Variants in GAB4 observed in about 807,000 individuals in gnomAD.
The protein encoded by GAB4 is GRB2-associated-binding protein 4.
GAB4 carries 26 observed loss-of-function variants against 51.3 expected under a neutral mutation model. The ratio of observed to expected loss-of-function variants is 0.51; its 90% confidence interval spans 0.37 to 0.70. GAB4 has a LOEUF of 0.70. Ranked by LOEUF, GAB4 falls within the 30% of genes least tolerant of loss-of-function variation. The pLI is 0.00. For synonymous variants in GAB4, 329 were observed against 291.2 expected, an observed-to-expected ratio of 1.13 and a Z score of -1.32; for missense variants, 759 against 734.6, an observed-to-expected ratio of 1.03 and a Z score of -0.38.
chr22:16,969,622 A>T, intron 4 of GAB4: 1 of 623,630 alleles, frequency 1.6e-6, no homozygotes, highest in Non-Finnish European at 2.8e-6. Context: ...CCTTGGTGAC[A>T]TCGGCTGTTG....
intron 1 of GAB4, among the ~76,000 whole-genome samples, chr22:16,999,806 C>T (rs2060981721): frequency 6.6e-6 from 1 of 152,202 alleles, no homozygotes; most frequent in South Asian, 2.1e-4. Flanking sequence ...CTACACACTG[C>T]TTTGAATGTG....
intron 2 of GAB4, among the ~76,000 whole-genome samples, chr22:16,988,877 T>C (rs2060890842): frequency 1.3e-5 from 2 of 152,214 alleles, no homozygotes; most frequent in African/African-American, 4.8e-5. Context: ...CTTTGGCTTA[T>C]GCTGTTCCTT....
intron 6 of GAB4, 24 bp downstream of exon 6, chr22:16,966,076 G>T: frequency 3.1e-6 from 5 of 1,611,020 alleles, no homozygotes; most frequent in Non-Finnish European, 3.4e-6. Context: ...ACATTGTCAA[G>T]AAATAGAATG....
At chr22:16,990,357 G>A (rs2060903948) in intron 2 of GAB4, among the ~76,000 whole-genome samples, 1 of 152,108 alleles carries the variant, frequency 6.6e-6, no homozygotes. Flanking sequence ...TTTTGAAATG[G>A]TTTTGTTCTC....
chr22:17,000,373 T>A (rs1207875926), intron 1 of GAB4, among the ~76,000 whole-genome samples: 2 of 152,232 alleles, frequency 1.3e-5, no homozygotes, highest in African/African-American at 4.8e-5. Flanking sequence ...TCTTGTTGAA[T>A]TGATCCCTTT....
chr22:16,969,905 G>C, intron 4 of GAB4, 38 bp downstream of exon 4: 1 of 1,613,096 alleles, frequency 6.2e-7, no homozygotes, highest in South Asian at 1.1e-5. Context: ...CAAACTCCTG[G>C]AACAGGGTGC....
intron 1 of GAB4, among the ~76,000 whole-genome samples, chr22:17,000,058 C>A: frequency 6.6e-6 from 1 of 152,160 alleles, no homozygotes; most frequent in Admixed American, 6.5e-5. Context: ...GCTTTACTTC[C>A]AACGATGTGG....
chr22:16,994,367 A>G (rs775064461), intron 1 of GAB4, among the ~76,000 whole-genome samples: 7 of 152,236 alleles, frequency 4.6e-5, no homozygotes, highest in Non-Finnish European at 1.0e-4. Context: ...ATAGCCAGAC[A>G]GGATAGAGCT....
intron 5 of GAB4, chr22:16,967,400 C>G (rs1039548963): frequency 2.0e-5 from 3 of 152,612 alleles, no homozygotes; most frequent in Non-Finnish European, 2.9e-5. Context: ...GACCCATCAT[C>G]CACCTCAAGT....
At position 16,992,029 on chromosome 22, in the gene GAB4, G is replaced by A. The variant is rs1254710075; in HGVS notation, c.322C>T (p.Leu108=). Residue 108 remains leucine (L), a synonymous_variant, in exon 2 of 10, where the codon CTG becomes TTG. Coordinates refer to ENST00000400588, the MANE Select transcript of GAB4 (RefSeq NM_001037814.1). The stretch of plus-strand genomic sequence containing the variant: ...TGAATCTCCTTCTTGTTGAAGTTCA[G>A]AGTCACATCAACATCCAGCTGCTCA... ...LCEQLDVDVT[L]NFNKKEIQKG... 1 of 1,614,060 alleles carries A rather than the reference G, an allele frequency of 6.2e-7. No individual in the cohort carries two copies. The highest frequency in any genetic ancestry group is 2.2e-5 in the East Asian group (1 of 44,888).
chr22:16,972,096 C>A (rs929756140), intron 3 of GAB4, among the ~76,000 whole-genome samples: 1 of 152,216 alleles, frequency 6.6e-6, no homozygotes, highest in Non-Finnish European at 1.5e-5. Context: ...GGTGGATATG[C>A]CACCTGGATT....
intron 4 of GAB4, 102 bp from the exon 5 acceptor site, chr22:16,968,485 A>T: frequency 2.5e-6 from 2 of 802,692 alleles, no homozygotes; most frequent in Non-Finnish European, 2.2e-6. Flanking sequence ...GATGCTCTAG[A>T]GGACACGACT....
At chr22:17,005,720 A>G (rs1241227209) in intron 1 of GAB4, among the ~76,000 whole-genome samples, 2 of 152,252 alleles carry the variant, frequency 1.3e-5, no homozygotes, top group Non-Finnish European at 2.9e-5. Flanking sequence ...CTGATCTTTG[A>G]CAAACCTGAC....
At chr22:16,963,436 C>T (rs2060645142) in intron 9 of GAB4, among the ~76,000 whole-genome samples, 1 of 152,204 alleles carries the variant, frequency 6.6e-6, no homozygotes, top group Admixed American at 6.5e-5. Flanking sequence ...AGCCAGGTTG[C>T]CGGTCCTGGG....
chr22:16,995,451 C>A (rs767654230), intron 1 of GAB4, among the ~76,000 whole-genome samples: 13 of 152,226 alleles, frequency 8.5e-5, no homozygotes, highest in Non-Finnish European at 1.5e-4. Context: ...AGCACAGCAC[C>A]TGAGCTCTGC....
chr22:16,972,253 C>T (rs1278937957), intron 3 of GAB4, among the ~76,000 whole-genome samples: 4 of 152,320 alleles, frequency 2.6e-5, no homozygotes, highest in Non-Finnish European at 4.4e-5. Context: ...GATGAGCACA[C>T]GGCTGCAGAC....
chr22:16,977,193 G>T (rs143832602), intron 3 of GAB4, among the ~76,000 whole-genome samples: 13,646 of 152,114 alleles, frequency 0.09, 655 homozygotes, highest in African/African-American at 0.1. Context: ...AATGTAAATG[G>T]GCTAAATGCC....
Position 16,965,256 on chromosome 22 carries a change from G to A in GAB4, c.1301C>T (p.Pro434Leu), listed in dbSNP as rs202195757. Residue 434 changes from proline to leucine, a missense_variant, in exon 7 of 10, where the codon CCG becomes CTG. Physicochemically the swap from Pro to Leu is moderately conservative, Grantham distance 98. Coordinates refer to ENST00000400588, the MANE Select transcript of GAB4 (RefSeq NM_001037814.1). Reference protein sequence around the residue: ...LKPNQKANPTPPNLRNNRVIN... With the variant: ...LKPNQKANPTLPNLRNNRVIN... Reference sequence around the variant, plus strand: ...GACCCTGTTGTTTCTCAGGTTGGGCGGTGTTGGGTTGGCTGGAGCAGGAAA... The same window carrying A: ...GACCCTGTTGTTTCTCAGGTTGGGCAGTGTTGGGTTGGCTGGAGCAGGAAA... The A allele has an allele frequency of 3.8e-5, 62 of 1,613,766 alleles. No homozygotes were observed. Among genetic ancestry groups the A allele is most frequent in the Middle Eastern group, 3.3e-4 (2 of 6,084 alleles).
At chr22:16,963,935 T>C in intron 8 of GAB4, 106 bp from the exon 9 acceptor site, 2 of 795,752 alleles carry the variant, frequency 2.5e-6, no homozygotes, top group South Asian at 3.1e-5. Flanking sequence ...GGTCCTACTC[T>C]GAGCCATGCA....
Sources: gnomAD v4.1 joint callset for allele counts (sites outside exome capture counted in the v4.1 genomes callset) on GRCh38, gnomAD v4.1.1 for gene constraint, MANE v1.5 for transcripts, NCBI Gene and HGNC (gene_info 2026-07-23, HGNC 2026-07-21) for gene names.